GAS2: variants seen among roughly 807,000 people sequenced by gnomAD.
The protein encoded by GAS2 is growth arrest-specific protein 2.
GAS2 carries 20 observed loss-of-function variants against 37.5 expected under a neutral mutation model. That is an observed-to-expected ratio of 0.53 (90% confidence interval 0.37 to 0.77). GAS2 has a LOEUF of 0.77. Ranked by LOEUF, GAS2 falls within the 30% of genes least tolerant of loss-of-function variation. The probability of loss-of-function intolerance (pLI) is 0.00; values close to 1 mark genes in which losing one functional copy is unlikely to be tolerated. For missense variants in GAS2, 336 were observed against 373.4 expected, an observed-to-expected ratio of 0.90 and a Z score of 0.82; for synonymous variants, 144 against 132.2, an observed-to-expected ratio of 1.09 and a Z score of -0.61.
rs1857226921 is a variant in GAS2, at chr11:22,812,429, T to TC, written c.*413_*414insC. The TC allele has an allele frequency of 5.5e-4, 2 of 3,668 alleles. No individual in the cohort carries two copies. The highest frequency in any genetic ancestry group is 8.2e-3 in the South Asian group (2 of 244). 0.2% of individuals were successfully genotyped at this position (3,668 alleles called of 1,614,324 possible). A position where few individuals can be genotyped will look rare whatever the true frequency, so the allele number is the denominator to read the frequency against. On this transcript the variant is annotated 3_prime_UTR_variant, in exon 8 of 8. Transcript: ENST00000454584. ...TTTTATAATTGCAAGATTTTTATGCTTTTTTTTTTTTTTTTTTACAAAATG... is the reference window on the plus strand; with the variant it reads ...TTTTATAATTGCAAGATTTTTATGCTCTTTTTTTTTTTTTTTTTACAAAATG...
At chr11:22,795,119 T>C (rs763389615) in intron 7 of GAS2, among the ~76,000 whole-genome samples, 14 of 152,194 alleles carry the variant, frequency 9.2e-5, no homozygotes, top group Non-Finnish European at 1.9e-4. Context: ...CCTAGCCATA[T>C]ACAATACAGA....
intron 3 of GAS2, among the ~76,000 whole-genome samples, chr11:22,702,051 A>G (rs1850869452): frequency 1.3e-5 from 2 of 152,198 alleles, no homozygotes. Context: ...AATACCTGCC[A>G]TATAATATAA....
chr11:22,691,255 A>G (rs1850234340), intron 3 of GAS2, among the ~76,000 whole-genome samples: 1 of 152,194 alleles, frequency 6.6e-6, no homozygotes, highest in Non-Finnish European at 1.5e-5. Context: ...AATGCCTACA[A>G]TACATTTGCC....
At chr11:22,769,072 A>T (rs1957384991) in intron 7 of GAS2, among the ~76,000 whole-genome samples, 1 of 152,196 alleles carries the variant, frequency 6.6e-6, no homozygotes, top group Non-Finnish European at 1.5e-5. Context: ...TAGAAAAAGT[A>T]TGGAAACTCA....
At chr11:22,696,009 A>G (rs996598358) in intron 3 of GAS2, among the ~76,000 whole-genome samples, 3 of 151,910 alleles carry the variant, frequency 2.0e-5, no homozygotes, top group African/African-American at 4.8e-5. Context: ...AGTTACATAT[A>G]TATACATGTA....
At chr11:22,769,185 A>T (rs1854846606) in intron 7 of GAS2, among the ~76,000 whole-genome samples, 1 of 152,172 alleles carries the variant, frequency 6.6e-6, no homozygotes, top group Non-Finnish European at 1.5e-5. Context: ...GAACCACAGG[A>T]TATGTGTCAC....
At chr11:22,712,008 G>T (rs1851428377) in intron 3 of GAS2, among the ~76,000 whole-genome samples, 1 of 152,156 alleles carries the variant, frequency 6.6e-6, no homozygotes, top group Admixed American at 6.6e-5. Context: ...CATCTGGCCA[G>T]TGTAGGGCAA....
chr11:22,721,682 GGCTAATGGCTA>G (rs1440791675), intron 3 of GAS2, among the ~76,000 whole-genome samples: 1 of 151,976 alleles, frequency 6.6e-6, no homozygotes, highest in African/African-American at 2.4e-5. Flanking sequence ...AGCCACATGT[GGCTAATGGCTA>G]GCTACCATAT....
intron 1 of GAS2, among the ~76,000 whole-genome samples, chr11:22,661,237 T>C (rs1848911921): frequency 1.3e-5 from 2 of 152,220 alleles, no homozygotes; most frequent in Non-Finnish European, 2.9e-5. Flanking sequence ...CATTTAATTT[T>C]CCTTTGATGA....
intron 1 of GAS2, among the ~76,000 whole-genome samples, chr11:22,632,954 C>G (rs1205968134): frequency 1.3e-5 from 2 of 151,726 alleles, no homozygotes; most frequent in Non-Finnish European, 2.9e-5. Flanking sequence ...ATCTTTCATT[C>G]ATAACCTGAT....
At chr11:22,780,219 G>GCTGGA (rs1855483246) in intron 7 of GAS2, among the ~76,000 whole-genome samples, 1 of 152,152 alleles carries the variant, frequency 6.6e-6, no homozygotes, top group Admixed American at 6.5e-5. Flanking sequence ...AGCTATGAGG[G>GCTGGA]CTGGACGTGG....
intron 5 of GAS2, among the ~76,000 whole-genome samples, chr11:22,747,030 A>T (rs1300372513): frequency 6.6e-6 from 1 of 151,904 alleles, no homozygotes; most frequent in South Asian, 2.1e-4. Flanking sequence ...CTAGAAAACT[A>T]AAAAAAATGT....
chr11:22,776,165 G>A (rs1253242871), intron 7 of GAS2, among the ~76,000 whole-genome samples: 3 of 152,170 alleles, frequency 2.0e-5, no homozygotes, highest in Non-Finnish European at 2.9e-5. Flanking sequence ...ATTGAGCAGT[G>A]AACAAAATAG....
At chr11:22,662,755 C>T (rs569336055), upstream of GAS2, among the ~76,000 whole-genome samples, 3 of 152,144 alleles carry the variant, frequency 2.0e-5, no homozygotes, top group South Asian at 4.1e-4. Context: ...TGTGGTGGCT[C>T]ATGCCTCTAA....
At chr11:22,783,664 T>A (rs1855678465) in intron 7 of GAS2, among the ~76,000 whole-genome samples, 1 of 152,134 alleles carries the variant, frequency 6.6e-6, no homozygotes, top group Non-Finnish European at 1.5e-5. Flanking sequence ...TTTTTTTGAG[T>A]TAGCACCCCT....
rs139184176 is a variant in GAS2 at position 22,707,962 on chromosome 11, A to G, written c.268-18330A>G. On this transcript the variant is annotated intron_variant, in intron 3 of 7. Coordinates refer to ENST00000454584, the MANE Select transcript of GAS2 (RefSeq NM_001143830.3). ...AGGAAACAGGAAGATCGTTGGGTAAAGTTTCTACATTTGTTTAGATCTGAG... is the reference window on the plus strand; with the variant it reads ...AGGAAACAGGAAGATCGTTGGGTAAGGTTTCTACATTTGTTTAGATCTGAG... Among the ~76,000 whole-genome samples the G allele has an allele frequency of 2.6e-5, 4 of 152,288 alleles. No individual in the cohort carries two copies. In the East Asian group the frequency reaches 5.8e-4, roughly 22 times the overall value.
At chr11:22,809,615 G>A (rs1404722928) in intron 7 of GAS2, among the ~76,000 whole-genome samples, 3 of 151,120 alleles carry the variant, frequency 2.0e-5, no homozygotes, top group African/African-American at 7.3e-5. Flanking sequence ...AGCCTCCCGA[G>A]TAGCTGAGAC....
In GAS2 at chr11:22,701,075, A is replaced by G. The variant is rs574378561; in HGVS notation, c.267+15286A>G. Among the ~76,000 whole-genome samples, 53 of 152,276 alleles carry G rather than the reference A, an allele frequency of 3.5e-4. No homozygotes were observed. The East Asian group carries it at 7.7e-3, about 22-fold the overall frequency. On this transcript the variant is annotated intron_variant, in intron 3 of 7. Transcript: ENST00000454584. ...CTGCCAAAGCACTATTTAACAACCA[A>G]TGTAAAAATACAATTTCTATAAAAC...
intron 7 of GAS2, among the ~76,000 whole-genome samples, chr11:22,778,391 C>T (rs1420945933): frequency 6.6e-6 from 1 of 152,152 alleles, no homozygotes; most frequent in African/African-American, 2.4e-5. Flanking sequence ...GATTCTTTCT[C>T]AGTAAGCAAA....
Sources: allele counts gnomAD v4.1 joint callset (sites outside exome capture counted in the v4.1 genomes callset), GRCh38; gene constraint gnomAD v4.1.1; transcripts MANE v1.5; gene names NCBI Gene and HGNC (gene_info 2026-07-23, HGNC 2026-07-21).